TOPAZ1: variants seen among roughly 807,000 people sequenced by gnomAD.
The protein encoded by TOPAZ1 is protein TOPAZ1.
TOPAZ1 carries 66 observed loss-of-function variants against 172.2 expected under a neutral mutation model. That is an observed-to-expected ratio of 0.38 (90% CI 0.31 to 0.47). The LOEUF is 0.47. Ranked by LOEUF, TOPAZ1 falls within the 20% of genes least tolerant of loss-of-function variation. The pLI is 0.99. For missense variants in TOPAZ1, 1,822 were observed against 1,972.4 expected (o/e 0.92, Z 1.44); for synonymous variants, 681 against 683.9 (o/e 1.00, Z 0.07).
intron 15 of TOPAZ1, among the ~76,000 whole-genome samples, chr3:44,308,293 A>G (rs935317341): frequency 1.3e-5 from 1 of 78,836 alleles, no homozygotes. Context: ...CAACCCCATG[A>G]CAGGCCCCAG....
At chr3:44,248,846 G>A (rs1383318287) in intron 2 of TOPAZ1, among the ~76,000 whole-genome samples, 1 of 152,200 alleles carries the variant, frequency 6.6e-6, no homozygotes, top group African/African-American at 2.4e-5. Flanking sequence ...AACTTGAGCT[G>A]ACTTAATCAC....
At chr3:44,256,101 C>T (rs960768260) in intron 3 of TOPAZ1, 50 bp from the exon 4 acceptor site, 12 of 1,364,322 alleles carry the variant, frequency 8.8e-6, no homozygotes, top group Middle Eastern at 2.0e-4. Context: ...TTGAATAACT[C>T]AGTTATTTTG....
intron 2 of TOPAZ1, among the ~76,000 whole-genome samples, chr3:44,249,568 T>C (rs934864343): frequency 6.6e-6 from 1 of 152,170 alleles, no homozygotes; most frequent in African/African-American, 2.4e-5. Flanking sequence ...GCTACCTCAG[T>C]AGTGGCATTG....
At chr3:44,291,252 T>C (rs751242859) in intron 12 of TOPAZ1, among the ~76,000 whole-genome samples, 4 of 152,010 alleles carry the variant, frequency 2.6e-5, no homozygotes, top group Non-Finnish European at 5.9e-5. Context: ...TAAAATACTT[T>C]AGTGCCCCTC....
chr3:44,313,280 C>T (rs1700414877), intron 16 of TOPAZ1, among the ~76,000 whole-genome samples: 1 of 151,802 alleles, frequency 6.6e-6, no homozygotes, highest in African/African-American at 2.4e-5. Context: ...ACAAATTTTC[C>T]CTATTCAGAT....
chr3:44,328,821 G>T (rs889641990), intron 19 of TOPAZ1, among the ~76,000 whole-genome samples: 1 of 152,132 alleles, frequency 6.6e-6, no homozygotes, highest in African/African-American at 2.4e-5. Context: ...TACGTGATCA[G>T]CCAAGAATAC....
intron 8 of TOPAZ1, among the ~76,000 whole-genome samples, chr3:44,273,526 C>T (rs1040694730): frequency 6.6e-6 from 1 of 152,106 alleles, no homozygotes; most frequent in Non-Finnish European, 1.5e-5. Context: ...GTCTCCCTTC[C>T]GTATACAAAA....
At chr3:44,265,197 A>G (rs1033279548) in intron 5 of TOPAZ1, among the ~76,000 whole-genome samples, 2 of 152,238 alleles carry the variant, frequency 1.3e-5, no homozygotes, top group African/African-American at 2.4e-5. Flanking sequence ...TTCTTAAATA[A>G]TAAGTCTTGA....
intron 4 of TOPAZ1, among the ~76,000 whole-genome samples, chr3:44,259,202 C>T (rs1699748208): frequency 6.7e-6 from 1 of 150,094 alleles, no homozygotes; most frequent in Non-Finnish European, 1.5e-5. Flanking sequence ...AAAAGCAAGA[C>T]ATTTACCCAG....
chr3:44,334,473 A>G, downstream of TOPAZ1, among the ~76,000 whole-genome samples: 1 of 152,192 alleles, frequency 6.6e-6, no homozygotes, highest in South Asian at 2.1e-4. Context: ...GAGACACCGG[A>G]TTCCATCAAG....
Position 44,321,036 on chromosome 3 carries a change from G to C in TOPAZ1, c.4316G>C (p.Trp1439Ser). Reference sequence around the variant, plus strand: ...TTTTTCTTTTTGGAAGAGTCAGAGTGGATAATCAATACGCCTCTGTGGCCT... The same window carrying C: ...TTTTTCTTTTTGGAAGAGTCAGAGTCGATAATCAATACGCCTCTGTGGCCT... ...GAIWVMRESEWIINTPLWPCD... is the reference protein window; with the variant it reads ...GAIWVMRESESIINTPLWPCD... Residue 1439 changes from tryptophan to serine, a missense_variant, in exon 17 of 20, where the codon TGG (tryptophan) becomes TCG (serine). Trp to Ser is a radical substitution (Grantham distance 177, BLOSUM62 -3). Around this residue, in one of 2 missense-constraint regions of TOPAZ1, gnomAD observed 333 missense variants for 481.7 expected, o/e 0.69. Coordinates refer to ENST00000309765, the MANE Select transcript of TOPAZ1 (RefSeq NM_001145030.2). 6.5e-7 allele frequency: 1 copy of C among 1,545,492 alleles called. No individual in the cohort carries two copies. Among genetic ancestry groups the C allele is most frequent in the Non-Finnish European group, 8.7e-7 (1 of 1,144,018 alleles).
rs1305995376 is a variant in TOPAZ1, at chr3:44,245,089, C to T, written c.2583C>T (p.Val861=). The part of the protein sequence containing the change: ...PDILKAYEDD[V]LLIDVIQDDP... ...TTCTTAAAGCATATGAAGATGACGT[C>T]CTCTTAATTGATGTAATTCAAGATG... Residue 861 remains valine, a synonymous_variant, in exon 2 of 20, where the codon GTC becomes GTT. Transcript: ENST00000309765. The T allele has an allele frequency of 6.4e-7, 1 of 1,551,830 alleles. No individual in the cohort carries two copies. Among genetic ancestry groups the T allele is most frequent in the South Asian group, 1.2e-5 (1 of 84,044 alleles).
At chr3:44,267,828 A>G (rs1021024499) in intron 6 of TOPAZ1, among the ~76,000 whole-genome samples, 1 of 152,140 alleles carries the variant, frequency 6.6e-6, no homozygotes, top group African/African-American at 2.4e-5. Flanking sequence ...TAACTTTTCT[A>G]TATCTACCCT....
chr3:44,295,228 C>T (rs1395291445), intron 12 of TOPAZ1, among the ~76,000 whole-genome samples: 1 of 152,160 alleles, frequency 6.6e-6, no homozygotes, highest in Non-Finnish European at 1.5e-5. Flanking sequence ...AAACACACCT[C>T]TATCAATACA....
chr3:44,327,520 C>T (rs1700613208), intron 18 of TOPAZ1, among the ~76,000 whole-genome samples: 2 of 152,152 alleles, frequency 1.3e-5, no homozygotes, highest in Non-Finnish European at 2.9e-5. Flanking sequence ...AGATCACCTA[C>T]AGGATGGAAA....
chr3:44,305,397 T>A (rs1260956376), intron 14 of TOPAZ1, 76 bp downstream of exon 14: 1 of 1,277,792 alleles, frequency 7.8e-7, no homozygotes, highest in African/African-American at 1.5e-5. Flanking sequence ...AGAGACAGGG[T>A]CTTCCTTTGT....
At chr3:44,255,149 T>C (rs1341616321) in intron 3 of TOPAZ1, 120 bp downstream of exon 3, 6 of 624,536 alleles carry the variant, frequency 9.6e-6, no homozygotes, top group East Asian at 2.8e-5. Context: ...CTGTTGACCA[T>C]ATGTTTTATA....
intron 19 of TOPAZ1, among the ~76,000 whole-genome samples, chr3:44,329,298 A>G (rs12107192): frequency 0.011 from 1,728 of 152,316 alleles, 30 homozygotes; most frequent in African/African-American, 0.037. Context: ...GTTGGAGTCA[A>G]GATGTTGTCA....
At chr3:44,278,696 T>C (rs554685129) in intron 8 of TOPAZ1, among the ~76,000 whole-genome samples, 1 of 152,216 alleles carries the variant, frequency 6.6e-6, no homozygotes, top group South Asian at 2.1e-4. Context: ...TAAAGTCTGC[T>C]TTTTCATTTC....
Sources: gnomAD v4.1 joint callset for allele counts (sites outside exome capture counted in the v4.1 genomes callset) on GRCh38, gnomAD v4.1.1 for gene constraint, gnomAD v4.1.1 regional missense constraint, MANE v1.5 for transcripts, NCBI Gene and HGNC (gene_info 2026-07-23, HGNC 2026-07-21) for gene names.